Variants in CLDN1 observed in about 807,000 individuals in gnomAD.
The protein encoded by CLDN1 is claudin-1.
CLDN1 carries 12 observed loss-of-function variants against 22.6 expected under a neutral mutation model. That is an observed-to-expected ratio of 0.53 (90% CI 0.34 to 0.86). CLDN1 has a LOEUF of 0.86. CLDN1 is among the 40% of genes least tolerant of loss of function. The pLI is 0.02. For synonymous variants in CLDN1, 99 were observed against 103.8 expected, an observed-to-expected ratio of 0.95 and a Z score of 0.28; for missense variants, 250 against 269.5, an observed-to-expected ratio of 0.93 and a Z score of 0.51.
chr3:190,321,084 C>A (rs1560076985), intron 1 of CLDN1, among the ~76,000 whole-genome samples: 1 of 152,170 alleles, frequency 6.6e-6, no homozygotes, highest in Non-Finnish European at 1.5e-5. Flanking sequence ...ACAGAAATTT[C>A]TTTGTGGAAG....
In CLDN1 at chr3:190,322,219, C is replaced by G. The variant is rs17429833; in HGVS notation, c.-13G>C. The G allele has an allele frequency of 0.08, 128,450 of 1,612,174 alleles. 5,555 individuals are homozygous for G. Among genetic ancestry groups the G allele is most frequent in the Non-Finnish European group, 0.089 (105,301 of 1,179,314 alleles). On this transcript the variant is annotated 5_prime_UTR_variant, in exon 1 of 4. Coordinates refer to ENST00000295522, the MANE Select transcript of CLDN1 (RefSeq NM_021101.5). ...CCGCGTTGGCCATGACTCGCTCGGGCGCCCGCGCTGGCTCAGGGGTGGCAG... is the reference window on the plus strand; with the variant it reads ...CCGCGTTGGCCATGACTCGCTCGGGGGCCCGCGCTGGCTCAGGGGTGGCAG...
chr3:190,316,277 G>GC (rs1716764836), intron 1 of CLDN1, among the ~76,000 whole-genome samples: 1 of 152,146 alleles, frequency 6.6e-6, no homozygotes, highest in Middle Eastern at 3.4e-3. Flanking sequence ...TTACATCCTG[G>GC]CAACTATTGA....
At chr3:190,310,838 C>T (rs994711592) in intron 2 of CLDN1, among the ~76,000 whole-genome samples, 86 of 152,160 alleles carry the variant, frequency 5.7e-4, no homozygotes, top group African/African-American at 2.1e-3. Flanking sequence ...GAGGGTGCCA[C>T]ATCAGATCAA....
chr3:190,315,388 G>A (rs1209015539), intron 1 of CLDN1, among the ~76,000 whole-genome samples: 4 of 152,108 alleles, frequency 2.6e-5, no homozygotes, highest in African/African-American at 7.2e-5. Flanking sequence ...GATAGGATGT[G>A]CAAAGTAAAA....
chr3:190,318,025 A>G (rs3774024), intron 1 of CLDN1, among the ~76,000 whole-genome samples: 8,273 of 152,326 alleles, frequency 0.054, 320 homozygotes, highest in East Asian at 0.15. Context: ...AGACAGTCAC[A>G]GAAGTGTACT....
At position 190,322,362 on chromosome 3, in the gene CLDN1, G is replaced by A; in HGVS notation, c.-156C>T. On this transcript the variant is annotated 5_prime_UTR_variant, in exon 1 of 4. Transcript: ENST00000295522. ...CTGCGCCGCCGCTGGAGAAGCTCTG[G>A]GTCGGGGTTGGGGTCCGCGCCCGGG... is the stretch of plus-strand genomic sequence containing the variant. The A allele has an allele frequency of 1.4e-6, 1 of 725,086 alleles. No individual in the cohort carries two copies. Among genetic ancestry groups the A allele is most frequent in the Non-Finnish European group, 2.4e-6 (1 of 422,108 alleles). 44.9% of individuals were successfully genotyped at this position (725,086 alleles called of 1,614,324 possible).
chr3:190,310,304 T>A (rs1004839456), intron 2 of CLDN1, 51 bp from the exon 3 acceptor site: 2 of 1,396,996 alleles, frequency 1.4e-6, no homozygotes, highest in African/African-American at 2.8e-5. Flanking sequence ...ACACTGAGCC[T>A]AAATACACAA....
chr3:190,320,977 A>G (rs1425129756), intron 1 of CLDN1, among the ~76,000 whole-genome samples: 6 of 152,166 alleles, frequency 3.9e-5, no homozygotes, highest in African/African-American at 1.4e-4. Flanking sequence ...ACAAAGTAAA[A>G]CAATTATCCT....
At chr3:190,319,584 A>G (rs372596801) in intron 1 of CLDN1, among the ~76,000 whole-genome samples, 1 of 152,202 alleles carries the variant, frequency 6.6e-6, no homozygotes, top group Non-Finnish European at 1.5e-5. Flanking sequence ...ACAGATTTTA[A>G]TACTTCCCGT....
In CLDN1 at chr3:190,307,624, C is replaced by T. The variant is rs546735284; in HGVS notation, c.*653G>A. 1.3e-5 allele frequency: 2 copies of T among 152,108 alleles called. No individual in the cohort carries two copies. Among genetic ancestry groups the T allele is most frequent in the South Asian group, 4.2e-4 (2 of 4,810 alleles). 9.4% of individuals were successfully genotyped at this position (152,108 alleles called of 1,614,324 possible). Reference sequence around the variant, plus strand: ...ATGTGTTAGATTCAGGAGATAGAGACCAATGAAACACAAAACAAATAAGGG... The same window carrying T: ...ATGTGTTAGATTCAGGAGATAGAGATCAATGAAACACAAAACAAATAAGGG... On this transcript the variant is annotated 3_prime_UTR_variant, in exon 4 of 4. Coordinates refer to ENST00000295522, the MANE Select transcript of CLDN1 (RefSeq NM_021101.5).
At chr3:190,314,755 T>G (rs1333610421) in intron 1 of CLDN1, among the ~76,000 whole-genome samples, 3 of 152,158 alleles carry the variant, frequency 2.0e-5, no homozygotes, top group Non-Finnish European at 4.4e-5. Context: ...ATTTGAGAGA[T>G]ATTTTTGAAG....
intron 3 of CLDN1, 22 bp downstream of exon 3, chr3:190,310,147 T>C: frequency 1.3e-6 from 2 of 1,599,014 alleles, no homozygotes; most frequent in Non-Finnish European, 1.7e-6. Flanking sequence ...AAACAAACTA[T>C]TTTACGCCTG....
intron 1 of CLDN1, among the ~76,000 whole-genome samples, chr3:190,316,818 T>G (rs3732924): frequency 0.29 from 43,990 of 152,034 alleles, 6,665 homozygotes; most frequent in East Asian, 0.57. Flanking sequence ...TATTCTCTTG[T>G]GTTTAGCTTA....
chr3:190,313,181 G>A lies in CLDN1; in HGVS notation c.224-145C>T, dbSNP rs75362024. On this transcript the variant is annotated intron_variant, in intron 1 of 3. Coordinates refer to ENST00000295522, the MANE Select transcript of CLDN1 (RefSeq NM_021101.5). ...AGACCCCAGTCATACTGATGTTTCC[G>A]CTGGTAACCCAATATACAGTATCTT... The A allele has an allele frequency of 1.5e-3, 1,295 of 843,030 alleles. 8 individuals carry two copies. The highest frequency in any genetic ancestry group is 0.013 in the East Asian group (506 of 38,348). The allele number at this position is 843,030 out of a possible 1,614,324, so 52.2% of individuals were successfully genotyped here.
intron 1 of CLDN1, among the ~76,000 whole-genome samples, chr3:190,320,705 C>A (rs1272090867): frequency 6.6e-6 from 1 of 152,108 alleles, no homozygotes; most frequent in Non-Finnish European, 1.5e-5. Context: ...AGGAGGTAGA[C>A]AAAACAAGTT....
chr3:190,322,375 G>A lies in CLDN1; in HGVS notation c.-169C>T, dbSNP rs981181805. 17 of 666,492 alleles carry A rather than the reference G, an allele frequency of 2.6e-5. No individual in the cohort carries two copies. In the African/African-American group the frequency reaches 3.0e-4, roughly 12 times the overall value. 41.3% of individuals were successfully genotyped at this position (666,492 alleles called of 1,614,324 possible). ...GGAGAAGCTCTGGGTCGGGGTTGGG[G>A]TCCGCGCCCGGGGCGGCGCTGGAGT... is the stretch of plus-strand genomic sequence containing the variant. On this transcript the variant is annotated 5_prime_UTR_variant, in exon 1 of 4. Transcript: ENST00000295522.
rs1466213090 is a variant in CLDN1 at position 190,307,813 on chromosome 3, T to C, written c.*464A>G. The C allele has an allele frequency of 6.4e-6, 1 of 155,432 alleles. No individual in the cohort carries two copies. The highest frequency in any genetic ancestry group is 2.4e-5 in the African/African-American group (1 of 41,476). 9.6% of individuals were successfully genotyped at this position (155,432 alleles called of 1,614,324 possible). On this transcript the variant is annotated 3_prime_UTR_variant, in exon 4 of 4. Transcript: ENST00000295522. ...AAGAAGAGTAAATGATATTTGACTG[T>C]TACATATGTATATATAGACGAAAAA...
chr3:190,312,915 C>G lies in CLDN1; in HGVS notation c.345G>C (p.Lys115Asn), dbSNP rs1716663769. The change falls in exon 2 of 4, where the codon AAG (lysine) becomes AAC (asparagine). Residue 115 changes from lysine (K) to asparagine (N), a missense_variant. Transcript: ENST00000295522. ...MKCLEDDEVQKMRMAVIGGAI... is the reference protein window; with the variant it reads ...MKCLEDDEVQNMRMAVIGGAI... ...CACCCCCAATGACAGCCATCCTCAT[C>G]TTCTGCACCTCATCGTCTTCCAAGC... The G allele has an allele frequency of 6.2e-7, 1 of 1,614,084 alleles. No individual in the cohort carries two copies. The highest frequency in any genetic ancestry group is 1.3e-5 in the African/African-American group (1 of 74,928).
In CLDN1 at chr3:190,322,399, G is replaced by C; in HGVS notation, c.-193C>G. The C allele has an allele frequency of 1.6e-6, 1 of 618,572 alleles. No homozygotes were observed. Among genetic ancestry groups the C allele is most frequent in the South Asian group, 1.9e-5 (1 of 52,752 alleles). The allele number at this position is 618,572 out of a possible 1,614,324, so 38.3% of individuals were successfully genotyped here. A position where few individuals can be genotyped will look rare whatever the true frequency, so the allele number is the denominator to read the frequency against. ...GGTCCGCGCCCGGGGCGGCGCTGGA[G>C]TCTGGATACTAGAAGCTGCGGTTGC... On this transcript the variant is annotated 5_prime_UTR_variant, in exon 1 of 4. Transcript: ENST00000295522.
Sources: allele counts gnomAD v4.1 joint callset (sites outside exome capture counted in the v4.1 genomes callset), GRCh38; gene constraint gnomAD v4.1.1; transcripts MANE v1.5; gene names NCBI Gene and HGNC (gene_info 2026-07-23, HGNC 2026-07-21).